Variants in NCALD observed in about 807,000 individuals in gnomAD.
NCALD encodes neurocalcin delta.
In NCALD, 10 loss-of-function variants were observed where a neutral mutation model predicts 18.6. The observed-to-expected ratio is 0.54, with a 90% CI of 0.33 to 0.91. The LOEUF (loss-of-function observed/expected upper bound fraction) is 0.91. NCALD is among the 40% of genes least tolerant of loss of function. NCALD has a pLI of 0.03. For missense variants in NCALD, 184 were observed against 247.6 expected, an observed-to-expected ratio of 0.74 and a Z score of 1.72; for synonymous variants, 88 against 87.4, an observed-to-expected ratio of 1.01 and a Z score of -0.04.
chr8:102,028,523 A>G (rs1463523389), intron 1 of NCALD, among the ~76,000 whole-genome samples: 3 of 152,218 alleles, frequency 2.0e-5, no homozygotes, highest in Non-Finnish European at 4.4e-5. Context: ...TGTTTATCAA[A>G]CCCTTGGGGA....
chr8:102,024,810 A>T (rs1822396022), intron 1 of NCALD, among the ~76,000 whole-genome samples: 1 of 152,102 alleles, frequency 6.6e-6, no homozygotes, highest in South Asian at 2.1e-4. Context: ...CTTTTGATAC[A>T]TCACCCCTCT....
chr8:101,929,814 G>A (rs1029916310), intron 2 of NCALD, among the ~76,000 whole-genome samples: 1 of 152,102 alleles, frequency 6.6e-6, no homozygotes, highest in Non-Finnish European at 1.5e-5. Flanking sequence ...GGGAGGCCTA[G>A]GCAGGCAGAT....
chr8:101,719,413 C>T lies in NCALD; in HGVS notation c.217G>A (p.Asp73Asn), dbSNP rs777310976. The change falls in exon 2 of 4, where the codon GAT (aspartate) becomes AAT (asparagine). Residue 73 changes from aspartate to asparagine, a missense_variant. Asp to Asn is a conservative substitution (Grantham distance 23, BLOSUM62 1). Coordinates refer to ENST00000220931, the MANE Select transcript of NCALD (RefSeq NM_032041.3). ...KFAEHVFRTFDANGDGTIDFR... is the reference protein window; with the variant it reads ...KFAEHVFRTFNANGDGTIDFR... ...TCTATTGTCCCATCTCCATTTGCATCGAAGGTGCGGAAGACATGCTCTGCA... is the reference window on the plus strand; with the variant it reads ...TCTATTGTCCCATCTCCATTTGCATTGAAGGTGCGGAAGACATGCTCTGCA... 6 of 1,614,074 alleles carry T rather than the reference C, an allele frequency of 3.7e-6. No homozygotes were observed. The highest frequency in any genetic ancestry group is 4.2e-6 in the Non-Finnish European group (5 of 1,180,038).
intron 2 of NCALD, among the ~76,000 whole-genome samples, chr8:101,919,771 AATGCTTCAT>A (rs1818098568): frequency 6.6e-6 from 1 of 152,156 alleles, no homozygotes; most frequent in East Asian, 1.9e-4. Context: ...AACATGCAAA[AATGCTTCAT>A]ATGCTTCAAA....
At chr8:101,982,715 C>G (rs548861300) in intron 2 of NCALD, among the ~76,000 whole-genome samples, 1 of 152,054 alleles carries the variant, frequency 6.6e-6, no homozygotes, top group African/African-American at 2.4e-5. Context: ...GTGGCACACG[C>G]CTGTAGTCCC....
chr8:101,970,606 G>C (rs758736230), intron 2 of NCALD, among the ~76,000 whole-genome samples: 1 of 152,094 alleles, frequency 6.6e-6, no homozygotes, highest in Admixed American at 6.6e-5. Flanking sequence ...CCTAACATGT[G>C]GTTTAACAGA....
intron 1 of NCALD, among the ~76,000 whole-genome samples, chr8:102,035,802 T>C (rs1349068203): frequency 4.6e-5 from 7 of 152,170 alleles, no homozygotes; most frequent in African/African-American, 1.7e-4. Context: ...CAAAATGATT[T>C]CTGAAGTTGC....
At position 101,763,184 on chromosome 8, in the gene NCALD, T is replaced by C. The variant is rs772274945; in HGVS notation, c.-20+27678A>G. On this transcript the variant is annotated intron_variant, in intron 1 of 3. Coordinates refer to ENST00000220931, the MANE Select transcript of NCALD (RefSeq NM_032041.3). ...GAATATTAAAAAACAATAAATACTA[T>C]GGATAAAGTTAGAGTAAAGGAGACC... Among the ~76,000 whole-genome samples the C allele has an allele frequency of 2.2e-4, 33 of 152,012 alleles. 1 individual carries two copies. Among genetic ancestry groups the C allele is most frequent in the Admixed American group, 1.6e-3 (25 of 15,258 alleles).
At chr8:101,979,941 C>G (rs554248630) in intron 2 of NCALD, among the ~76,000 whole-genome samples, 7 of 152,142 alleles carry the variant, frequency 4.6e-5, no homozygotes, top group Non-Finnish European at 8.8e-5. Context: ...TGTGTTACAT[C>G]AGGGCCTGAG....
rs564603862 is a variant in NCALD, at chr8:102,006,390, A to G, written c.-157+13847T>C. ...ATAAACAGAGCACAAGTTTTAATCC[A>G]GGCACAGTTAACTAGCCAGGCTATC... is the stretch of plus-strand genomic sequence containing the variant. On this transcript the variant is annotated intron_variant, in intron 2 of 6. Coordinates refer to the NCALD transcript ENST00000311028. Among the ~76,000 whole-genome samples the G allele has an allele frequency of 3.3e-5, 5 of 152,250 alleles. No homozygotes were observed. The East Asian group carries it at 9.7e-4, about 29-fold the overall frequency.
At chr8:101,710,349 A>G (rs1815726327) in intron 2 of NCALD, among the ~76,000 whole-genome samples, 1 of 152,136 alleles carries the variant, frequency 6.6e-6, no homozygotes, top group Non-Finnish European at 1.5e-5. Flanking sequence ...ATTTGGGCAG[A>G]CAACACGCTA....
chr8:101,918,993 C>T (rs1034542077), intron 2 of NCALD, among the ~76,000 whole-genome samples: 14 of 151,774 alleles, frequency 9.2e-5, no homozygotes, highest in African/African-American at 1.5e-4. Flanking sequence ...TTTCACAGAA[C>T]GATAAATGAA....
intron 1 of NCALD, among the ~76,000 whole-genome samples, chr8:101,724,446 G>T (rs1214315261): frequency 6.6e-6 from 1 of 152,188 alleles, no homozygotes; most frequent in East Asian, 1.9e-4. Flanking sequence ...TCAAAGCCTG[G>T]CTCTATTGTT....
At chr8:101,884,698 G>GTTGTT (rs138040143) in intron 4 of NCALD, among the ~76,000 whole-genome samples, 2 of 151,378 alleles carry the variant, frequency 1.3e-5, no homozygotes, top group Non-Finnish European at 2.9e-5. Context: ...TACAAAAGCA[G>GTTGTT]TTTGTTTTTG....
intron 2 of NCALD, among the ~76,000 whole-genome samples, chr8:101,994,891 T>C (rs557449710): frequency 6.6e-6 from 1 of 152,364 alleles, no homozygotes; most frequent in African/African-American, 2.4e-5. Context: ...ATCTAACTTT[T>C]TTTGCATCTC....
At chr8:101,766,594 G>C (rs1042484034) in intron 1 of NCALD, among the ~76,000 whole-genome samples, 2 of 152,022 alleles carry the variant, frequency 1.3e-5, no homozygotes, top group African/African-American at 4.8e-5. Context: ...TGTTGTTTTT[G>C]TTTTTGTTTT....
At chr8:101,835,723 C>T (rs770600034) in intron 4 of NCALD, among the ~76,000 whole-genome samples, 8 of 151,694 alleles carry the variant, frequency 5.3e-5, no homozygotes, top group South Asian at 2.1e-4. Context: ...TGTGTGCATG[C>T]GTGTGTGTGA....
intron 3 of NCALD, among the ~76,000 whole-genome samples, chr8:101,893,105 G>C (rs1390727111): frequency 1.1e-4 from 16 of 151,620 alleles, no homozygotes; most frequent in Admixed American, 5.2e-4. Context: ...GTTAAGGGCA[G>C]CCAGAGAGAA....
intron 2 of NCALD, among the ~76,000 whole-genome samples, chr8:101,991,138 T>A (rs1459448606): frequency 6.6e-6 from 1 of 152,138 alleles, no homozygotes; most frequent in Non-Finnish European, 1.5e-5. Flanking sequence ...GGTGACTCAT[T>A]TTTTGACTGC....
Sources: gnomAD v4.1 joint callset for allele counts (sites outside exome capture counted in the v4.1 genomes callset) on GRCh38, gnomAD v4.1.1 for gene constraint, MANE v1.5 for transcripts, NCBI Gene and HGNC (gene_info 2026-07-23, HGNC 2026-07-21) for gene names.